ATXN7L3B: variants seen among roughly 807,000 people sequenced by gnomAD.
ATXN7L3B encodes the protein ataxin-7-like protein 3B.
In ATXN7L3B, 4 loss-of-function variants were observed where a neutral mutation model predicts 6.3. That is an observed-to-expected ratio of 0.63 (90% confidence interval 0.31 to 1.45). The LOEUF (loss-of-function observed/expected upper bound fraction) is 1.45. ATXN7L3B is among the 40% of genes most tolerant of loss of function. The pLI is 0.07. For missense variants in ATXN7L3B, 120 were observed against 118.5 expected, an observed-to-expected ratio of 1.01 and a Z score of -0.06; for synonymous variants, 63 against 48.0, an observed-to-expected ratio of 1.31 and a Z score of -1.29.
At position 74,544,875 on chromosome 12, in the gene ATXN7L3B, A is replaced by G. The variant is rs1247733270; in HGVS notation, c.*6469A>G. The G allele has an allele frequency of 1.3e-5, 2 of 152,196 alleles. No individual in the cohort carries two copies. The highest frequency in any genetic ancestry group is 2.1e-4 in the South Asian group (1 of 4,828). The allele number at this position is 152,196 out of a possible 1,614,324, so 9.4% of individuals were successfully genotyped here. A position where few individuals can be genotyped will look rare whatever the true frequency, so the allele number is the denominator to read the frequency against. On this transcript the variant is annotated 3_prime_UTR_variant, in exon 1 of 1. Transcript: ENST00000519948. ...TAGTTCTTATAACTGATTAAAGATT[A>G]CTAACAAAATAGTTGTACAATTGCC... is the stretch of plus-strand genomic sequence containing the variant.
chr12:74,545,412 A>T lies in ATXN7L3B; in HGVS notation c.*7006A>T, dbSNP rs536446323. 46 of 152,274 alleles carry T rather than the reference A, an allele frequency of 3.0e-4. No individual in the cohort carries two copies. Among genetic ancestry groups the T allele is most frequent in the African/African-American group, 1.1e-3 (44 of 41,590 alleles). The allele number at this position is 152,274 out of a possible 1,614,324, so 9.4% of individuals were successfully genotyped here. On this transcript the variant is annotated 3_prime_UTR_variant, in exon 1 of 1. Coordinates refer to ENST00000519948, the MANE Select transcript of ATXN7L3B (RefSeq NM_001136262.2). ...GTTTAAATAATTGTGAATATGAAAT[A>T]AAAACTATACCAAAAATATTGGATG...
chr12:74,545,188 C>G lies in ATXN7L3B; in HGVS notation c.*6782C>G, dbSNP rs948123935. 2.0e-5 allele frequency: 3 copies of G among 151,908 alleles called. No homozygotes were observed. Among genetic ancestry groups the G allele is most frequent in the African/African-American group, 7.2e-5 (3 of 41,400 alleles). 9.4% of individuals were successfully genotyped at this position (151,908 alleles called of 1,614,324 possible). On this transcript the variant is annotated 3_prime_UTR_variant, in exon 1 of 1. Coordinates refer to ENST00000519948, the MANE Select transcript of ATXN7L3B (RefSeq NM_001136262.2). ...TTGAAGACAAAAGTAACCAATATCC[C>G]AATATTTCCACCTGTTGCAGCATTA...
In ATXN7L3B at chr12:74,540,857, T is replaced by TAAC. The variant is rs1868874763; in HGVS notation, c.*2451_*2452insAAC. On this transcript the variant is annotated 3_prime_UTR_variant, in exon 1 of 1. Coordinates refer to ENST00000519948, the MANE Select transcript of ATXN7L3B (RefSeq NM_001136262.2). ...AAGCGGAAAGTAGTTTTGAGTAGTA[T>TAAC]TTTGTTCATATTACCCCCCTTTTGT... 1 of 167,076 alleles carries TAAC rather than the reference T, an allele frequency of 6.0e-6. No homozygotes were observed. The highest frequency in any genetic ancestry group is 1.5e-5 in the Non-Finnish European group (1 of 68,170). 10.3% of individuals were successfully genotyped at this position (167,076 alleles called of 1,614,324 possible). A position where few individuals can be genotyped will look rare whatever the true frequency, so the allele number is the denominator to read the frequency against.
rs975403228 is a variant in ATXN7L3B, at chr12:74,543,861, G to C, written c.*5455G>C. ...ACTTGTACACACTGCAAAAGGGTAT[G>C]TACCAAAAATCTACACCAGTTACTA... On this transcript the variant is annotated 3_prime_UTR_variant, in exon 1 of 1. Transcript: ENST00000519948. 6.6e-6 allele frequency: 1 copy of C among 151,038 alleles called. No individual in the cohort carries two copies. The highest frequency in any genetic ancestry group is 2.4e-5 in the African/African-American group (1 of 41,078). The allele number at this position is 151,038 out of a possible 1,614,324, so 9.4% of individuals were successfully genotyped here.
Position 74,542,965 on chromosome 12 carries a change from C to T in ATXN7L3B, c.*4559C>T, listed in dbSNP as rs1398795121. On this transcript the variant is annotated 3_prime_UTR_variant, in exon 1 of 1. Coordinates refer to ENST00000519948, the MANE Select transcript of ATXN7L3B (RefSeq NM_001136262.2). ...ACCAGATTTCAGAAGTTTTACTCTG[C>T]TGTGAAGGATTACGAGCTCTCTGAT... The T allele has an allele frequency of 6.6e-6, 1 of 152,094 alleles. No homozygotes were observed. Among genetic ancestry groups the T allele is most frequent in the Non-Finnish European group, 1.5e-5 (1 of 67,982 alleles). The allele number at this position is 152,094 out of a possible 1,614,324, so 9.4% of individuals were successfully genotyped here. A position where few individuals can be genotyped will look rare whatever the true frequency, so the allele number is the denominator to read the frequency against.
chr12:74,540,303 C>G lies in ATXN7L3B; in HGVS notation c.*1897C>G, dbSNP rs1868856402. On this transcript the variant is annotated 3_prime_UTR_variant, in exon 1 of 1. Coordinates refer to ENST00000519948, the MANE Select transcript of ATXN7L3B (RefSeq NM_001136262.2). ...GTATCTTCCCACCTCCATTTCAATA[C>G]TGCCGGTTAGGACCTAAGTAGAAGA... is the stretch of plus-strand genomic sequence containing the variant. 6.0e-6 allele frequency: 1 copy of G among 167,102 alleles called. No individual in the cohort carries two copies. The highest frequency in any genetic ancestry group is 2.4e-5 in the African/African-American group (1 of 41,440). The allele number at this position is 167,102 out of a possible 1,614,324, so 10.4% of individuals were successfully genotyped here.
chr12:74,538,313 A>G lies in ATXN7L3B; in HGVS notation c.201A>G (p.Lys67=). Residue 67 remains lysine (K), a synonymous_variant, in exon 1 of 1, where the codon AAA becomes AAG. Coordinates refer to ENST00000519948, the MANE Select transcript of ATXN7L3B (RefSeq NM_001136262.2). ...TTGGCATTCAGCCAGTGGAAGACAAAGGAGCGTGCCGCCTCCCGCTTTGCT... is the reference window on the plus strand; with the variant it reads ...TTGGCATTCAGCCAGTGGAAGACAAGGGAGCGTGCCGCCTCCCGCTTTGCT... ...KDFGIQPVED[K]GACRLPLCSL... is the part of the protein sequence containing the mutation. The G allele has an allele frequency of 6.4e-7, 1 of 1,554,620 alleles. No homozygotes were observed. Among genetic ancestry groups the G allele is most frequent in the Admixed American group, 2.0e-5 (1 of 51,164 alleles).
chr12:74,539,236 T>C lies in ATXN7L3B; in HGVS notation c.*830T>C, dbSNP rs1441635702. On this transcript the variant is annotated 3_prime_UTR_variant, in exon 1 of 1. Coordinates refer to ENST00000519948, the MANE Select transcript of ATXN7L3B (RefSeq NM_001136262.2). ...ATGATTTCTCAAACTTCAAGATTCA[T>C]GTCTGGATGTATTATGCTGTGGATA... is the stretch of plus-strand genomic sequence containing the variant. The C allele has an allele frequency of 6.0e-6, 1 of 167,150 alleles. No homozygotes were observed. The highest frequency in any genetic ancestry group is 2.4e-5 in the African/African-American group (1 of 41,454). The allele number at this position is 167,150 out of a possible 1,614,324, so 10.4% of individuals were successfully genotyped here.
rs1868912414 is a variant in ATXN7L3B at position 74,542,020 on chromosome 12, A to G, written c.*3614A>G. The G allele has an allele frequency of 2.0e-5, 3 of 152,296 alleles. No individual in the cohort carries two copies. Among genetic ancestry groups the G allele is most frequent in the South Asian group, 4.1e-4 (2 of 4,822 alleles). 9.4% of individuals were successfully genotyped at this position (152,296 alleles called of 1,614,324 possible). The stretch of plus-strand genomic sequence containing the variant: ...CCTGTGTCCTAATCAGTCTCTTGCT[A>G]TGTGTTCTAATTTATTAAAGTTTCG... On this transcript the variant is annotated 3_prime_UTR_variant, in exon 1 of 1. Coordinates refer to ENST00000519948, the MANE Select transcript of ATXN7L3B (RefSeq NM_001136262.2).
rs1422159847 is a variant in ATXN7L3B at position 74,545,350 on chromosome 12, T to C, written c.*6944T>C. ...GTTCTTATACTTTGTTGCCTTTCTT[T>C]TGATGTTTAACAATAGGCAAATCAA... On this transcript the variant is annotated 3_prime_UTR_variant, in exon 1 of 1. Transcript: ENST00000519948. 1 of 152,112 alleles carries C rather than the reference T, an allele frequency of 6.6e-6. No homozygotes were observed. The highest frequency in any genetic ancestry group is 1.5e-5 in the Non-Finnish European group (1 of 67,934). 9.4% of individuals were successfully genotyped at this position (152,112 alleles called of 1,614,324 possible). A position where few individuals can be genotyped will look rare whatever the true frequency, so the allele number is the denominator to read the frequency against.
Position 74,538,650 on chromosome 12 carries a change from C to A in ATXN7L3B, c.*244C>A, listed in dbSNP as rs1055266326. ...TGCACAGCCTGCGGGCCATGCAGTG[C>A]CTGTTGATCTCTAAACACACCAGGA... On this transcript the variant is annotated 3_prime_UTR_variant, in exon 1 of 1. Coordinates refer to ENST00000519948, the MANE Select transcript of ATXN7L3B (RefSeq NM_001136262.2). The A allele has an allele frequency of 3.8e-6, 2 of 531,494 alleles. No individual in the cohort carries two copies. Among genetic ancestry groups the A allele is most frequent in the African/African-American group, 1.9e-5 (1 of 52,306 alleles). 32.9% of individuals were successfully genotyped at this position (531,494 alleles called of 1,614,324 possible). A position where few individuals can be genotyped will look rare whatever the true frequency, so the allele number is the denominator to read the frequency against.
In ATXN7L3B at chr12:74,540,533, C is replaced by G. The variant is rs1301528948; in HGVS notation, c.*2127C>G. ...TGCCTTGTCCTAGAGTTGTCCTGAT[C>G]AGGCTTGGGGCCTAGTTACAGATTA... is the stretch of plus-strand genomic sequence containing the variant. On this transcript the variant is annotated 3_prime_UTR_variant, in exon 1 of 1. Transcript: ENST00000519948. 3.5e-4 allele frequency: 58 copies of G among 167,136 alleles called. No homozygotes were observed. The Admixed American group carries it at 3.7e-3, about 11-fold the overall frequency. The allele number at this position is 167,136 out of a possible 1,614,324, so 10.4% of individuals were successfully genotyped here.
Position 74,542,187 on chromosome 12 carries a change from T to G in ATXN7L3B, c.*3781T>G, listed in dbSNP as rs1010481123. 8 of 152,202 alleles carry G rather than the reference T, an allele frequency of 5.3e-5. No individual in the cohort carries two copies. The highest frequency in any genetic ancestry group is 1.9e-4 in the African/African-American group (8 of 41,458). 9.4% of individuals were successfully genotyped at this position (152,202 alleles called of 1,614,324 possible). On this transcript the variant is annotated 3_prime_UTR_variant, in exon 1 of 1. Coordinates refer to ENST00000519948, the MANE Select transcript of ATXN7L3B (RefSeq NM_001136262.2). ...CTTCTAGGAGCACTCGATGTACTTG[T>G]CACTGTCCAGTTTAAATAGGCCAGG...
At position 74,537,842 on chromosome 12, in the gene ATXN7L3B, T is replaced by A. The variant is rs1216401316; in HGVS notation, c.-271T>A. 13 of 437,686 alleles carry A rather than the reference T, an allele frequency of 3.0e-5. No homozygotes were observed. In the East Asian group the frequency reaches 5.7e-4, roughly 19 times the overall value. 27.1% of individuals were successfully genotyped at this position (437,686 alleles called of 1,614,324 possible). A position where few individuals can be genotyped will look rare whatever the true frequency, so the allele number is the denominator to read the frequency against. ...GGGGAGCGGAAGAGGCCCAGGAGGCTGGGTGAGGCGCTGAGACGGTTTGGC... is the reference window on the plus strand; with the variant it reads ...GGGGAGCGGAAGAGGCCCAGGAGGCAGGGTGAGGCGCTGAGACGGTTTGGC... On this transcript the variant is annotated 5_prime_UTR_variant, in exon 1 of 1. Transcript: ENST00000519948.
rs957591473 is a variant in ATXN7L3B, at chr12:74,543,847, C to G, written c.*5441C>G. On this transcript the variant is annotated 3_prime_UTR_variant, in exon 1 of 1. Transcript: ENST00000519948. ...ACCAAAGCTCAAGAACTTGTACACA[C>G]TGCAAAAGGGTATGTACCAAAAATC... is the stretch of plus-strand genomic sequence containing the variant. 6.6e-6 allele frequency: 1 copy of G among 150,886 alleles called. No individual in the cohort carries two copies. The highest frequency in any genetic ancestry group is 2.4e-5 in the African/African-American group (1 of 40,972). The allele number at this position is 150,886 out of a possible 1,614,324, so 9.3% of individuals were successfully genotyped here. A position where few individuals can be genotyped will look rare whatever the true frequency, so the allele number is the denominator to read the frequency against.
Position 74,538,468 on chromosome 12 carries a change from G to C in ATXN7L3B, c.*62G>C. Reference sequence around the variant, plus strand: ...ACATAGACTGGTCCTGTGGCTTCGAGGAGTAAGCTAAGTAGAAAAAAGTAG... The same window carrying C: ...ACATAGACTGGTCCTGTGGCTTCGACGAGTAAGCTAAGTAGAAAAAAGTAG... On this transcript the variant is annotated 3_prime_UTR_variant, in exon 1 of 1. Coordinates refer to ENST00000519948, the MANE Select transcript of ATXN7L3B (RefSeq NM_001136262.2). 2 of 1,415,200 alleles carry C rather than the reference G, an allele frequency of 1.4e-6. No homozygotes were observed. The highest frequency in any genetic ancestry group is 2.8e-5 in the South Asian group (2 of 71,412). The allele number at this position is 1,415,200 out of a possible 1,614,324, so 87.7% of individuals were successfully genotyped here. A position where few individuals can be genotyped will look rare whatever the true frequency, so the allele number is the denominator to read the frequency against.
chr12:74,545,151 T>C lies in ATXN7L3B; in HGVS notation c.*6745T>C, dbSNP rs557803218. 6.6e-6 allele frequency: 1 copy of C among 152,188 alleles called. No individual in the cohort carries two copies. Among genetic ancestry groups the C allele is most frequent in the African/African-American group, 2.4e-5 (1 of 41,568 alleles). The allele number at this position is 152,188 out of a possible 1,614,324, so 9.4% of individuals were successfully genotyped here. A position where few individuals can be genotyped will look rare whatever the true frequency, so the allele number is the denominator to read the frequency against. On this transcript the variant is annotated 3_prime_UTR_variant, in exon 1 of 1. Coordinates refer to ENST00000519948, the MANE Select transcript of ATXN7L3B (RefSeq NM_001136262.2). ...AATGTTTTTAAAAGCAATTTAGAAA[T>C]ACCTGTTGTGGTTGAAGACAAAAGT... is the stretch of plus-strand genomic sequence containing the variant.
Position 74,538,278 on chromosome 12 carries a change from G to A in ATXN7L3B, c.166G>A (p.Val56Met), listed in dbSNP as rs1328884303. Residue 56 changes from valine to methionine, a missense_variant, in exon 1 of 1, where the codon GTG becomes ATG. By Grantham distance (21) the Val-to-Met change is conservative. Transcript: ENST00000519948. Reference sequence around the variant, plus strand: ...CCTGGAGTTCGCAGAGACTGGTAGCGTGAAGGATTTTGGCATTCAGCCAGT... The same window carrying A: ...CCTGGAGTTCGCAGAGACTGGTAGCATGAAGGATTTTGGCATTCAGCCAGT... ...FYLEFAETGS[V>M]KDFGIQPVED... is the part of the protein sequence containing the mutation. The A allele has an allele frequency of 2.5e-6, 4 of 1,570,680 alleles. No homozygotes were observed. Among genetic ancestry groups the A allele is most frequent in the Non-Finnish European group, 2.6e-6 (3 of 1,158,034 alleles).
chr12:74,538,668 C>A lies in ATXN7L3B; in HGVS notation c.*262C>A. 2.1e-6 allele frequency: 1 copy of A among 486,180 alleles called. No individual in the cohort carries two copies. Among genetic ancestry groups the A allele is most frequent in the Non-Finnish European group, 3.8e-6 (1 of 260,098 alleles). The allele number at this position is 486,180 out of a possible 1,614,324, so 30.1% of individuals were successfully genotyped here. On this transcript the variant is annotated 3_prime_UTR_variant, in exon 1 of 1. Coordinates refer to ENST00000519948, the MANE Select transcript of ATXN7L3B (RefSeq NM_001136262.2). ...TGCAGTGCCTGTTGATCTCTAAACA[C>A]ACCAGGATGTGCGCAAGATCCTGTA...
Sources: gnomAD v4.1 joint callset for allele counts on GRCh38, gnomAD v4.1.1 for gene constraint, MANE v1.5 for transcripts, NCBI Gene and HGNC (gene_info 2026-07-23, HGNC 2026-07-21) for gene names.